The following KCNH5 variants were observed in gnomAD, a reference collection of about 807,000 sequenced individuals.
KCNH5 encodes voltage-gated delayed rectifier potassium channel KCNH5.
In KCNH5, 46 loss-of-function variants were observed where a neutral mutation model predicts 96.1. That is an observed-to-expected ratio of 0.48 (90% confidence interval 0.38 to 0.61). The LOEUF is 0.61. Among genes scored for constraint, KCNH5 ranks in the 20% least tolerant of loss-of-function variants. The pLI is 0.00. For synonymous variants in KCNH5, 439 were observed against 449.8 expected (o/e 0.98, Z 0.30); for missense variants, 907 against 1,225.8 (o/e 0.74, Z 3.88).
intron 10 of KCNH5, among the ~76,000 whole-genome samples, chr14:62,709,501 G>A (rs978609840): frequency 2.6e-5 from 4 of 152,036 alleles, no homozygotes; most frequent in African/African-American, 4.8e-5. Flanking sequence ...ACTCATGATC[G>A]TTCTACCACT....
chr14:63,037,842 C>T (rs1478630483), intron 1 of KCNH5, among the ~76,000 whole-genome samples: 3 of 152,188 alleles, frequency 2.0e-5, no homozygotes, highest in Admixed American at 1.3e-4. Context: ...AGGATTGATT[C>T]CCAGGGATAA....
intron 8 of KCNH5, among the ~76,000 whole-genome samples, chr14:62,841,897 C>T (rs1203376133): frequency 6.6e-6 from 1 of 152,196 alleles, no homozygotes; most frequent in East Asian, 1.9e-4. Flanking sequence ...TATCCATGGA[C>T]CTCTGTAAAC....
Position 62,708,079 on chromosome 14 carries a change from C to T in KCNH5, c.2396G>A (p.Ser799Asn). Reference sequence around the variant, plus strand: ...ATTTCCATTCTTCATTCTTATTGGGCTGTTGACTTTGAGACATTTTTGGTC... The same window carrying T: ...ATTTCCATTCTTCATTCTTATTGGGTTGTTGACTTTGAGACATTTTTGGTC... ...GADQKCLKVN[S>N]PIRMKNGNGK... Residue 799 changes from serine (S) to asparagine (N), a missense_variant, in exon 11 of 11, where the codon AGC (serine) becomes AAC (asparagine). By Grantham distance (46) the Ser-to-Asn change is conservative. Around this residue, in one of 6 missense-constraint regions of KCNH5, gnomAD observed 362 missense variants for 394.4 expected, o/e 0.92. Coordinates refer to ENST00000322893, the MANE Select transcript of KCNH5 (RefSeq NM_139318.5). The T allele has an allele frequency of 6.2e-7, 1 of 1,614,174 alleles. No individual in the cohort carries two copies. Among genetic ancestry groups the T allele is most frequent in the Non-Finnish European group, 8.5e-7 (1 of 1,180,040 alleles).
Position 62,861,165 on chromosome 14 carries a change from A to G in KCNH5, c.1370-11313T>C, listed in dbSNP as rs568093368. ...GGACAAGGGTCAACACCAACACACA[A>G]CTTTATGTTCTCAAGGAGCAGAACA... On this transcript the variant is annotated intron_variant, in intron 7 of 10. Transcript: ENST00000322893. 7.9e-5 allele frequency among the ~76,000 whole-genome samples: 12 copies of G among 152,298 alleles called. No homozygotes were observed. In the South Asian group the frequency reaches 2.3e-3, roughly 29 times the overall value.
At chr14:62,780,691 T>C (rs2139976462) in intron 9 of KCNH5, among the ~76,000 whole-genome samples, 1 of 152,266 alleles carries the variant, frequency 6.6e-6, no homozygotes, top group Admixed American at 6.5e-5. Context: ...AACTCAACCA[T>C]TTATCATTTG....
At chr14:62,843,063 A>T (rs1887618406) in intron 8 of KCNH5, among the ~76,000 whole-genome samples, 1 of 152,112 alleles carries the variant, frequency 6.6e-6, no homozygotes, top group African/African-American at 2.4e-5. Flanking sequence ...TTCCATTTTT[A>T]AAAATGCCAA....
In KCNH5 at chr14:62,940,789, T is replaced by A. The variant is rs552310934; in HGVS notation, c.1369+9344A>T. ...CCTCCTGGGCTCCCTCAGGCTGAAC[T>A]AGGCAAACATTTTTATTCATTCATT... On this transcript the variant is annotated intron_variant, in intron 7 of 10. Coordinates refer to ENST00000322893, the MANE Select transcript of KCNH5 (RefSeq NM_139318.5). Among the ~76,000 whole-genome samples the A allele has an allele frequency of 7.2e-5, 11 of 152,342 alleles. No homozygotes were observed. The South Asian group carries it at 1.2e-3, about 17-fold the overall frequency.
At chr14:63,045,056 G>A in intron 1 of KCNH5, 58 bp downstream of exon 1, 2 of 1,314,482 alleles carry the variant, frequency 1.5e-6, no homozygotes, top group Non-Finnish European at 2.2e-6. Context: ...TGGGGAGGAT[G>A]GGGGGCGCGT....
intron 8 of KCNH5, among the ~76,000 whole-genome samples, chr14:62,846,541 G>T (rs893215734): frequency 6.6e-6 from 1 of 151,304 alleles, no homozygotes; most frequent in African/African-American, 2.4e-5. Context: ...CAGTTTTTCT[G>T]ATATTTATGT....
At chr14:62,952,439 G>C (rs1890025112) in intron 6 of KCNH5, among the ~76,000 whole-genome samples, 1 of 152,100 alleles carries the variant, frequency 6.6e-6, no homozygotes, top group Non-Finnish European at 1.5e-5. Context: ...TATATGCCAA[G>C]TTCTGTTTTA....
At chr14:62,896,764 C>T (rs1467562472) in intron 7 of KCNH5, among the ~76,000 whole-genome samples, 1 of 152,144 alleles carries the variant, frequency 6.6e-6, no homozygotes, top group African/African-American at 2.4e-5. Flanking sequence ...TCTTTTCAGT[C>T]CCAGTAACTA....
chr14:62,862,088 C>T (rs1466718730), intron 7 of KCNH5, among the ~76,000 whole-genome samples: 2 of 152,172 alleles, frequency 1.3e-5, no homozygotes, highest in African/African-American at 2.4e-5. Flanking sequence ...TTTCTCCAAT[C>T]ATAAGCACCA....
intron 8 of KCNH5, among the ~76,000 whole-genome samples, chr14:62,842,494 G>A (rs976283208): frequency 2.0e-5 from 3 of 152,190 alleles, no homozygotes; most frequent in East Asian, 1.9e-4. Flanking sequence ...CTCTGATTAC[G>A]TTTAGGTACT....
intron 8 of KCNH5, among the ~76,000 whole-genome samples, chr14:62,829,859 G>T (rs1224652478): frequency 1.3e-5 from 2 of 152,144 alleles, no homozygotes; most frequent in East Asian, 3.9e-4. Flanking sequence ...ACATGGTCAG[G>T]CTGCAAATTT....
At chr14:62,943,580 A>G (rs778336470) in intron 7 of KCNH5, among the ~76,000 whole-genome samples, 17 of 152,176 alleles carry the variant, frequency 1.1e-4, no homozygotes, top group Admixed American at 7.2e-4. Context: ...ATACACATAC[A>G]CACACACATA....
intron 7 of KCNH5, among the ~76,000 whole-genome samples, chr14:62,909,901 GA>G: frequency 6.6e-6 from 1 of 151,930 alleles, no homozygotes; most frequent in Non-Finnish European, 1.5e-5. Context: ...CTCTTCTAAC[GA>G]AAAATACAAT....
At chr14:62,736,450 T>C (rs1595599834) in intron 10 of KCNH5, among the ~76,000 whole-genome samples, 1 of 149,706 alleles carries the variant, frequency 6.7e-6, no homozygotes, top group Admixed American at 6.7e-5. Context: ...ATGGCTAAGG[T>C]CAGCATGACC....
intron 10 of KCNH5, among the ~76,000 whole-genome samples, chr14:62,745,066 A>G (rs1344308886): frequency 3.3e-5 from 5 of 152,228 alleles, no homozygotes; most frequent in Non-Finnish European, 5.9e-5. Context: ...CCTGGAGTCT[A>G]GCAGAGGATG....
At chr14:62,876,167 A>C (rs1234179549) in intron 7 of KCNH5, among the ~76,000 whole-genome samples, 1 of 152,196 alleles carries the variant, frequency 6.6e-6, no homozygotes, top group African/African-American at 2.4e-5. Flanking sequence ...ACTCTGTCTA[A>C]AAAAACAAAG....
Sources: gnomAD v4.1 joint callset for allele counts (sites outside exome capture counted in the v4.1 genomes callset) on GRCh38, gnomAD v4.1.1 for gene constraint, gnomAD v4.1.1 regional missense constraint, MANE v1.5 for transcripts, NCBI Gene and HGNC (gene_info 2026-07-23, HGNC 2026-07-21) for gene names.